DHRSX: variants seen among roughly 807,000 people sequenced by gnomAD.
The protein encoded by DHRSX is dehydrogenase/reductase X-linked, also known as polyprenol dehydrogenase.
DHRSX carries 31 observed loss-of-function variants against 34.0 expected under a neutral mutation model. That is an observed-to-expected ratio of 0.91 (90% CI 0.69 to 1.23). DHRSX has a LOEUF of 1.23. DHRSX is among the 50% of genes most tolerant of loss of function. DHRSX has a pLI of 0.00. For synonymous variants in DHRSX, 201 were observed against 183.8 expected (o/e 1.09, Z -0.76); for missense variants, 414 against 428.1 (o/e 0.97, Z 0.29).
intron 3 of DHRSX, among the ~76,000 whole-genome samples, chrX:2,394,108 G>C: frequency 6.6e-6 from 1 of 152,356 alleles, no homozygotes; most frequent in East Asian, 1.9e-4. Flanking sequence ...GGGGGAACCG[G>C]ATGGAAGGCT....
In DHRSX at chrX:2,331,436, GTTTTTTTT is replaced by G. The variant is rs1159991841; in HGVS notation, c.287-39841_287-39834del. 1.8e-3 allele frequency among the ~76,000 whole-genome samples: 170 copies of G among 94,664 alleles called. 1 individual carries two copies. Among genetic ancestry groups the G allele is most frequent in the African/African-American group, 4.9e-3 (147 of 29,928 alleles). 62.1% of individuals were successfully genotyped at this position (94,664 alleles called of 152,430 possible). A position where few individuals can be genotyped will look rare whatever the true frequency, so the allele number is the denominator to read the frequency against. ...GGAATCCTTTCAGGAAGGTTTTTTG[GTTTTTTTT>G]TTTTTTTTTTTTTTTTTTTTGAGAC... On this transcript the variant is annotated intron_variant, in intron 3 of 6. Coordinates refer to ENST00000334651, the MANE Select transcript of DHRSX (RefSeq NM_145177.3).
intron 3 of DHRSX, among the ~76,000 whole-genome samples, chrX:2,307,594 T>G (rs1390992445): frequency 6.6e-6 from 1 of 151,550 alleles, no homozygotes; most frequent in Non-Finnish European, 1.5e-5. Context: ...TGAAACCCTG[T>G]CTCTACTAAA....
intron 6 of DHRSX, among the ~76,000 whole-genome samples, 184 bp downstream of exon 6, chrX:2,242,839 C>A (rs149116725): frequency 0.022 from 3,369 of 152,070 alleles, 144 homozygotes; most frequent in African/African-American, 0.077. Context: ...GCTTTGTCTG[C>A]GGAGGAGCCA....
At chrX:2,498,625 GAAAAAAA>G (rs10624636) in intron 1 of DHRSX, among the ~76,000 whole-genome samples, 1 of 128,778 alleles carries the variant, frequency 7.8e-6, no homozygotes, top group Non-Finnish European at 1.6e-5. Context: ...CAGTAAATGG[GAAAAAAA>G]AAAAAAAAAA....
At chrX:2,447,446 T>C (rs972300260) in intron 1 of DHRSX, among the ~76,000 whole-genome samples, 1 of 152,112 alleles carries the variant, frequency 6.6e-6, no homozygotes, top group African/African-American at 2.4e-5. Flanking sequence ...TTGTACACAG[T>C]AAAGACATTC....
At chrX:2,300,167 C>T (rs1026066877) in intron 3 of DHRSX, among the ~76,000 whole-genome samples, 1 of 152,140 alleles carries the variant, frequency 6.6e-6, no homozygotes, top group Non-Finnish European at 1.5e-5. Flanking sequence ...GGCAAACCTC[C>T]TAATTTGGAG....
chrX:2,363,398 CTGTT>C (rs1340565214), intron 3 of DHRSX, among the ~76,000 whole-genome samples: 2 of 144,510 alleles, frequency 1.4e-5, no homozygotes, highest in Non-Finnish European at 1.5e-5. Context: ...CATTTTATCA[CTGTT>C]CTATGGTATC....
At chrX:2,251,017 G>A (rs756230480) in intron 5 of DHRSX, among the ~76,000 whole-genome samples, 1 of 152,260 alleles carries the variant, frequency 6.6e-6, no homozygotes, top group African/African-American at 2.4e-5. Flanking sequence ...CCTTGCCGTT[G>A]TGCAAAAGGC....
At chrX:2,283,189 G>A (rs1337181632) in intron 4 of DHRSX, among the ~76,000 whole-genome samples, 2 of 151,948 alleles carry the variant, frequency 1.3e-5, no homozygotes, top group East Asian at 3.9e-4. Flanking sequence ...TGGGACGGAC[G>A]CCCTGAACAT....
intron 3 of DHRSX, 105 bp from the exon 4 acceptor site, chrX:2,291,708 ACT>A (rs1491466240): frequency 5.5e-5 from 43 of 784,590 alleles, no homozygotes; most frequent in South Asian, 1.1e-4. Context: ...AGGAAGTAAC[ACT>A]TTTTTTTTTT....
chrX:2,245,061 C>T (rs936314180), intron 5 of DHRSX, among the ~76,000 whole-genome samples: 10 of 152,042 alleles, frequency 6.6e-5, no homozygotes, highest in Non-Finnish European at 1.2e-4. Context: ...AAGCTGTGAA[C>T]AGAAAATATC....
chrX:2,313,770 G>A (rs890647310), intron 3 of DHRSX, among the ~76,000 whole-genome samples: 4 of 152,116 alleles, frequency 2.6e-5, no homozygotes, highest in African/African-American at 9.7e-5. Context: ...ACAGCCCTCA[G>A]GAGATCCCGA....
At chrX:2,347,223 G>A (rs1171985070) in intron 3 of DHRSX, among the ~76,000 whole-genome samples, 2 of 152,150 alleles carry the variant, frequency 1.3e-5, no homozygotes. Context: ...AAAGGTGAAA[G>A]GCACGTCTCA....
chrX:2,484,483 G>T (rs1416530138), intron 1 of DHRSX, among the ~76,000 whole-genome samples: 1 of 152,152 alleles, frequency 6.6e-6, no homozygotes, highest in Non-Finnish European at 1.5e-5. Flanking sequence ...AAACCCGAAA[G>T]CTTCCCAGAA....
chrX:2,336,848 T>TATAGATAG (rs375205503), intron 3 of DHRSX, among the ~76,000 whole-genome samples: 1 of 151,458 alleles, frequency 6.6e-6, no homozygotes, highest in Non-Finnish European at 1.5e-5. Context: ...GATAGATAGA[T>TATAGATAG]ATAGATAGAT....
At chrX:2,270,407 C>T (rs963024347) in intron 4 of DHRSX, among the ~76,000 whole-genome samples, 11 of 152,194 alleles carry the variant, frequency 7.2e-5, no homozygotes, top group Non-Finnish European at 1.3e-4. Context: ...ATTCAAGAGA[C>T]GGAGCAGGGA....
chrX:2,329,558 A>C (rs1251400384), intron 3 of DHRSX, among the ~76,000 whole-genome samples: 1 of 152,142 alleles, frequency 6.6e-6, no homozygotes, highest in Non-Finnish European at 1.5e-5. Context: ...AACCTTTCTG[A>C]AACTACTAGG....
chrX:2,371,527 C>T (rs866933824), intron 3 of DHRSX, among the ~76,000 whole-genome samples: 5 of 135,808 alleles, frequency 3.7e-5, no homozygotes, highest in Admixed American at 2.3e-4. Context: ...GCCCCTCCTC[C>T]GTTACCATAG....
intron 1 of DHRSX, among the ~76,000 whole-genome samples, chrX:2,473,421 C>G (rs1386695354): frequency 6.6e-6 from 1 of 152,044 alleles, no homozygotes; most frequent in Non-Finnish European, 1.5e-5. Context: ...GTCAGGAGTT[C>G]GAGACCAGCA....
Sources: gnomAD v4.1 joint callset for allele counts (sites outside exome capture counted in the v4.1 genomes callset) on GRCh38, gnomAD v4.1.1 for gene constraint, MANE v1.5 for transcripts, NCBI Gene and HGNC (gene_info 2026-07-23, HGNC 2026-07-21) for gene names.